The following DCP2 variants were observed in gnomAD, a reference collection of about 807,000 sequenced individuals.
DCP2 encodes m7GpppN-mRNA hydrolase.
DCP2 carries 30 observed loss-of-function variants against 56.1 expected under a neutral mutation model. The ratio of observed to expected loss-of-function variants is 0.53; its 90% CI spans 0.40 to 0.73. The LOEUF is 0.73. DCP2 is among the 30% of genes least tolerant of loss of function. DCP2 has a pLI of 0.00. For synonymous variants in DCP2, 197 were observed against 163.3 expected (o/e 1.21, Z -1.57); for missense variants, 533 against 502.7 (o/e 1.06, Z -0.58).
Position 112,976,957 on chromosome 5 carries a change from T to G in DCP2, c.24T>G (p.Ile8Met). The change falls in exon 1 of 11, where the codon ATT becomes ATG. Residue 8 changes from isoleucine (I) to methionine (M), a missense_variant. Coordinates refer to ENST00000389063, the MANE Select transcript of DCP2 (RefSeq NM_152624.6). The part of the protein sequence containing the change: METKRVE[I>M]PGSVLDDLCS... ...TCATGGAGACCAAACGGGTGGAGAT[T>G]CCCGGCAGCGTCCTGGACGATCTCT... 6 of 1,596,528 alleles carry G rather than the reference T, an allele frequency of 3.8e-6. No individual in the cohort carries two copies. Among genetic ancestry groups the G allele is most frequent in the South Asian group, 2.2e-5 (2 of 90,030 alleles).
At chr5:112,978,126 G>A (rs1235284033) in intron 1 of DCP2, among the ~76,000 whole-genome samples, 9 of 151,968 alleles carry the variant, frequency 5.9e-5, no homozygotes, top group African/African-American at 2.2e-4. Context: ...ACAGGCACCC[G>A]CCACCACACC....
intron 9 of DCP2, among the ~76,000 whole-genome samples, chr5:113,010,202 C>T (rs1359495893): frequency 1.4e-5 from 2 of 143,654 alleles, no homozygotes; most frequent in African/African-American, 2.7e-5. Flanking sequence ...CCTACTAATT[C>T]TTGTATTTTT....
rs1201412779 is a variant in DCP2, at chr5:113,018,255, A to T, written c.*4771A>T. On this transcript the variant is annotated 3_prime_UTR_variant, in exon 11 of 11. Transcript: ENST00000389063. ...AAGGGTTGACTTCCACCAGCTGAGTACAAACAAGTGTAAAGAAAAACTATG... is the reference window on the plus strand; with the variant it reads ...AAGGGTTGACTTCCACCAGCTGAGTTCAAACAAGTGTAAAGAAAAACTATG... 1 of 152,246 alleles carries T rather than the reference A, an allele frequency of 6.6e-6. No individual in the cohort carries two copies. The highest frequency in any genetic ancestry group is 1.5e-5 in the Non-Finnish European group (1 of 68,040). 9.4% of individuals were successfully genotyped at this position (152,246 alleles called of 1,614,324 possible).
intron 4 of DCP2, among the ~76,000 whole-genome samples, chr5:112,993,207 A>G (rs1253489012): frequency 1.3e-5 from 2 of 152,180 alleles, no homozygotes; most frequent in Non-Finnish European, 2.9e-5. Flanking sequence ...GATAAAGTTT[A>G]ATTCTTTAAG....
chr5:112,995,937 T>TGCTG (rs1748826153), intron 4 of DCP2, among the ~76,000 whole-genome samples: 1 of 152,188 alleles, frequency 6.6e-6, no homozygotes, highest in Admixed American at 6.5e-5. Flanking sequence ...TGAGCACACT[T>TGCTG]ATACCCTTCT....
intron 9 of DCP2, among the ~76,000 whole-genome samples, chr5:113,009,840 C>T (rs1749600612): frequency 6.6e-6 from 1 of 151,896 alleles, no homozygotes. Context: ...TGTTAACACA[C>T]ATCTTCATAG....
At position 113,013,579 on chromosome 5, in the gene DCP2, G is replaced by C; in HGVS notation, c.*95G>C. 7.1e-7 allele frequency: 1 copy of C among 1,400,746 alleles called. No individual in the cohort carries two copies. Among genetic ancestry groups the C allele is most frequent in the South Asian group, 1.4e-5 (1 of 73,548 alleles). The allele number at this position is 1,400,746 out of a possible 1,614,324, so 86.8% of individuals were successfully genotyped here. A position where few individuals can be genotyped will look rare whatever the true frequency, so the allele number is the denominator to read the frequency against. ...CCTTACCTTTCTCAGGTGTTTTAAA[G>C]AAATGCAGGGAGGCAATGTTTCTGA... On this transcript the variant is annotated 3_prime_UTR_variant, in exon 11 of 11. Coordinates refer to ENST00000389063, the MANE Select transcript of DCP2 (RefSeq NM_152624.6).
In DCP2 at chr5:113,022,141, T is replaced by C. The variant is rs1296338626; in HGVS notation, c.*8657T>C. 1.3e-5 allele frequency: 2 copies of C among 152,600 alleles called. No homozygotes were observed. Among genetic ancestry groups the C allele is most frequent in the African/African-American group, 4.8e-5 (2 of 41,456 alleles). 9.5% of individuals were successfully genotyped at this position (152,600 alleles called of 1,614,324 possible). A position where few individuals can be genotyped will look rare whatever the true frequency, so the allele number is the denominator to read the frequency against. On this transcript the variant is annotated 3_prime_UTR_variant, in exon 11 of 11. Transcript: ENST00000389063. ...AATATTTATTCAGAATATAAGAATGTTTGTAAAATATTATAAATGTCTCTG... is the reference window on the plus strand; with the variant it reads ...AATATTTATTCAGAATATAAGAATGCTTGTAAAATATTATAAATGTCTCTG...
rs1016648187 is a variant in DCP2, at chr5:113,021,139, G to A, written c.*7655G>A. 6.6e-6 allele frequency among the ~76,000 whole-genome samples: 1 copy of A among 152,070 alleles called. No homozygotes were observed. The highest frequency in any genetic ancestry group is 1.5e-5 in the Non-Finnish European group (1 of 68,016). On this transcript the variant is annotated 3_prime_UTR_variant, in exon 11 of 11. Coordinates refer to ENST00000389063, the MANE Select transcript of DCP2 (RefSeq NM_152624.6). ...TCATACCTGTAATCCCAGCACTTTG[G>A]GAGGCTGAGTTGGGTGGATCACGAG...
At chr5:113,007,016 T>C (rs1749469587) in intron 8 of DCP2, among the ~76,000 whole-genome samples, 2 of 151,976 alleles carry the variant, frequency 1.3e-5, no homozygotes, top group Non-Finnish European at 2.9e-5. Flanking sequence ...CATATGCTTG[T>C]AATCCTAGCT....
rs763708424 is a variant in DCP2, at chr5:113,013,414, C to T, written c.1193C>T (p.Pro398Leu). ...PVACNGHCKF[P>L]FSSRAFLSFK... ...GCATGTAATGGACATTGCAAGTTCC[C>T]CTTTTCATCCAGAGCCTTTTTGAGT... Residue 398 changes from proline to leucine, a missense_variant, in exon 11 of 11, where the codon CCC becomes CTC. Transcript: ENST00000389063. The T allele has an allele frequency of 6.2e-7, 1 of 1,614,140 alleles. No homozygotes were observed. The highest frequency in any genetic ancestry group is 8.5e-7 in the Non-Finnish European group (1 of 1,179,996).
In DCP2 at chr5:112,992,135, C is replaced by T; in HGVS notation, c.220C>T (p.Pro74Ser). The change falls in exon 3 of 11, where the codon CCG becomes TCG. Residue 74 changes from proline to serine, a missense_variant. This residue lies in a region of DCP2 where 137 missense variants were observed against 138.2 expected (regional missense o/e 0.99). Transcript: ENST00000389063. The part of the protein sequence containing the change: ...DFAKAVFSHC[P>S]FLLPQGEDVE... ...ACTATTTATACTCTTCAGTCATTGT[C>T]CGTTTTTGCTGCCTCAAGGTGAAGA... is the stretch of plus-strand genomic sequence containing the variant. The T allele has an allele frequency of 6.2e-7, 1 of 1,613,754 alleles. No homozygotes were observed. Among genetic ancestry groups the T allele is most frequent in the Non-Finnish European group, 8.5e-7 (1 of 1,179,940 alleles).
At chr5:112,982,922 T>G (rs923629740) in intron 1 of DCP2, among the ~76,000 whole-genome samples, 2 of 152,224 alleles carry the variant, frequency 1.3e-5, no homozygotes, top group Non-Finnish European at 2.9e-5. Context: ...GTTTATTCAT[T>G]AATACGCTTC....
intron 2 of DCP2, among the ~76,000 whole-genome samples, chr5:112,988,577 C>A (rs968391624): frequency 5.3e-5 from 8 of 150,344 alleles, no homozygotes; most frequent in Non-Finnish European, 1.2e-4. Flanking sequence ...GGCAATAAAT[C>A]CCTGAGCCAT....
rs1476626933 is a variant in DCP2, at chr5:112,992,786, T to C, written c.432+16T>C. ...TGCTAGAGAGGTAAGTTATTCCATT[T>C]TGATACACAGTAAATTTGGCTATTA... On this transcript the variant is annotated intron_variant, in intron 4 of 10. Coordinates refer to ENST00000389063, the MANE Select transcript of DCP2 (RefSeq NM_152624.6). The C allele has an allele frequency of 1.3e-6, 2 of 1,550,358 alleles. No homozygotes were observed. Among genetic ancestry groups the C allele is most frequent in the Non-Finnish European group, 8.6e-7 (1 of 1,159,206 alleles).
intron 4 of DCP2, among the ~76,000 whole-genome samples, chr5:112,994,360 T>TG (rs1748751943): frequency 6.6e-6 from 1 of 151,126 alleles, no homozygotes. Context: ...TTTTTAATGG[T>TG]GGGGTCTCAC....
intron 2 of DCP2, among the ~76,000 whole-genome samples, chr5:112,988,443 G>A (rs1481435802): frequency 2.1e-5 from 3 of 140,430 alleles, no homozygotes; most frequent in Non-Finnish European, 3.0e-5. Context: ...AGTGAGCCGA[G>A]TTCGCGCCAC....
rs541359335 is a variant in DCP2, at chr5:113,016,907, T to C, written c.*3423T>C. ...CCCAGGCTGGAGTGCAATGGTGCAA[T>C]TTCGGCTCACCGCAACCTACGCCTC... On this transcript the variant is annotated 3_prime_UTR_variant, in exon 11 of 11. Transcript: ENST00000389063. 1 of 140,510 alleles carries C rather than the reference T, an allele frequency of 7.1e-6. No homozygotes were observed. Among genetic ancestry groups the C allele is most frequent in the African/African-American group, 2.6e-5 (1 of 38,032 alleles). 8.7% of individuals were successfully genotyped at this position (140,510 alleles called of 1,614,324 possible).
At chr5:113,007,725 T>C (rs940145826) in intron 8 of DCP2, among the ~76,000 whole-genome samples, 8 of 152,190 alleles carry the variant, frequency 5.3e-5, no homozygotes, top group African/African-American at 1.9e-4. Context: ...TAGGGGCAAG[T>C]GTATTTGCTA....
Sources: allele counts gnomAD v4.1 joint callset (sites outside exome capture counted in the v4.1 genomes callset), GRCh38; gene constraint gnomAD v4.1.1; regional missense constraint gnomAD v4.1.1; transcripts MANE v1.5; gene names NCBI Gene and HGNC (gene_info 2026-07-23, HGNC 2026-07-21).